The following CREB3L3 variants were observed in gnomAD, a reference collection of about 807,000 sequenced individuals.
CREB3L3 encodes cyclic AMP-responsive element-binding protein 3-like protein 3.
In CREB3L3, 40 loss-of-function variants were observed where a neutral mutation model predicts 44.6. The ratio of observed to expected loss-of-function variants is 0.90; its 90% CI spans 0.70 to 1.17. The LOEUF (loss-of-function observed/expected upper bound fraction) is 1.17, where lower values mean the gene tolerates loss of function less well. CREB3L3 is among the 50% of genes most tolerant of loss of function. The pLI, the probability that CREB3L3 is intolerant of heterozygous loss-of-function variation, is 0.00. For synonymous variants in CREB3L3, 273 were observed against 256.3 expected, an observed-to-expected ratio of 1.06 and a Z score of -0.62; for missense variants, 578 against 595.8, an observed-to-expected ratio of 0.97 and a Z score of 0.31.
chr19:4,162,475 T>G (rs1003175421), intron 4 of CREB3L3, among the ~76,000 whole-genome samples: 14 of 140,544 alleles, frequency 1.0e-4, no homozygotes, highest in Non-Finnish European at 1.9e-4. Context: ...TTATCAGCAG[T>G]TGAAGACCAG....
In CREB3L3 at chr19:4,168,399, C is replaced by G; in HGVS notation, c.763C>G (p.Gln255Glu). ...AATCCGCCGGAAAATCCGGAACAAG[C>G]AGTCGGCGCAAGAAAGCAGGAAGAA... ...KKIRRKIRNK[Q>E]SAQESRKKKK... The change falls in exon 6 of 10, where the codon CAG becomes GAG. Residue 255 changes from glutamine to glutamate, a missense_variant. Transcript: ENST00000078445. The G allele has an allele frequency of 6.2e-7, 1 of 1,611,334 alleles. No individual in the cohort carries two copies. Among genetic ancestry groups the G allele is most frequent in the South Asian group, 1.1e-5 (1 of 91,046 alleles).
intron 4 of CREB3L3, among the ~76,000 whole-genome samples, chr19:4,160,674 G>C (rs376171692): frequency 1.3e-5 from 2 of 151,946 alleles, no homozygotes; most frequent in East Asian, 3.9e-4. Flanking sequence ...TCCTGCCTCA[G>C]CCTCCCAAGT....
chr19:4,166,950 T>C (rs1490207215), intron 5 of CREB3L3, among the ~76,000 whole-genome samples: 1 of 152,094 alleles, frequency 6.6e-6, no homozygotes, highest in Non-Finnish European at 1.5e-5. Context: ...CAGTCTAGTC[T>C]TGAACTCCTG....
chr19:4,169,779 A>C (rs1967002764), intron 6 of CREB3L3, among the ~76,000 whole-genome samples: 1 of 151,758 alleles, frequency 6.6e-6, no homozygotes, highest in African/African-American at 2.4e-5. Context: ...TTGCATTTTT[A>C]GTACAGGCAG....
rs756720396 is a variant in CREB3L3, at chr19:4,171,997, C to T, written c.*28C>T. On this transcript the variant is annotated 3_prime_UTR_variant, in exon 10 of 10. Coordinates refer to ENST00000078445, the MANE Select transcript of CREB3L3 (RefSeq NM_032607.3). The surrounding 1 kb of genome is among the most constrained non-coding windows in gnomAD (Gnocchi z 4.9). ...CCCGCCAGGACTATGCTCCCAGGCC[C>T]CTCTGCCCAGGGGTGCCTTGGGGAT... 17 of 1,551,774 alleles carry T rather than the reference C, an allele frequency of 1.1e-5. No homozygotes were observed. In the South Asian group the frequency reaches 1.9e-4, roughly 17 times the overall value.
chr19:4,166,855 A>T (rs1966916907), intron 5 of CREB3L3, among the ~76,000 whole-genome samples: 1 of 152,008 alleles, frequency 6.6e-6, no homozygotes. Flanking sequence ...AGTAGCTGGG[A>T]CTATAGGCAT....
chr19:4,155,626 G>A (rs2041561706), intron 2 of CREB3L3, among the ~76,000 whole-genome samples: 1 of 151,922 alleles, frequency 6.6e-6, no homozygotes, highest in Admixed American at 6.6e-5. Context: ...AAAGTGCTGA[G>A]ATTACAGGCG....
Position 4,157,129 on chromosome 19 carries a change from C to G in CREB3L3, c.291C>G (p.Pro97=), listed in dbSNP as rs750489862. 2.5e-6 allele frequency: 4 copies of G among 1,614,054 alleles called. No individual in the cohort carries two copies. The Admixed American group carries it at 6.7e-5, about 27-fold the overall frequency. The change falls in exon 3 of 10, where the codon CCC becomes CCG. Residue 97 remains proline (P), a synonymous_variant. Coordinates refer to ENST00000078445, the MANE Select transcript of CREB3L3 (RefSeq NM_032607.3). ...TCTCCGAAGACCTCCCCTCCGACCC[C>G]CAGGACACCCCTCCACGCAGCGGAC... ...SGISEDLPSD[P]QDTPPRSGPA...
chr19:4,169,213 C>A (rs900071458), intron 6 of CREB3L3, among the ~76,000 whole-genome samples: 2 of 151,456 alleles, frequency 1.3e-5, no homozygotes, highest in Non-Finnish European at 2.9e-5. Context: ...GAATCTCGGC[C>A]GGGCGCCGTG....
At chr19:4,157,839 C>G (rs1367857946) in intron 3 of CREB3L3, among the ~76,000 whole-genome samples, 2 of 152,030 alleles carry the variant, frequency 1.3e-5, no homozygotes, top group Non-Finnish European at 2.9e-5. Flanking sequence ...GCATATGCCA[C>G]CATGCCCAGC....
rs769704602 is a variant in CREB3L3, at chr19:4,168,460, G to C, written c.821+3G>C. On this transcript the variant is annotated splice_donor_region_variant and intron_variant, in intron 6 of 9. Coordinates refer to ENST00000078445, the MANE Select transcript of CREB3L3 (RefSeq NM_032607.3). ...TATATCGATGGCCTGGAGACTCGGT[G>C]GGTAGTGCTGGACCCAGACTCTACA... The C allele has an allele frequency of 5.0e-6, 8 of 1,597,856 alleles. No homozygotes were observed. The Admixed American group carries it at 1.4e-4, about 27-fold the overall frequency.
rs1022870143 is a variant in CREB3L3, at chr19:4,172,129, A to C, written c.*160A>C. Reference sequence around the variant, plus strand: ...CTCATAGCCACACACCCAGGGCCTGACTGAGGCCCACGCAGGAACCGACAC... The same window carrying C: ...CTCATAGCCACACACCCAGGGCCTGCCTGAGGCCCACGCAGGAACCGACAC... On this transcript the variant is annotated 3_prime_UTR_variant, in exon 10 of 10. Transcript: ENST00000078445. 1.3e-6 allele frequency: 1 copy of C among 767,394 alleles called. No homozygotes were observed. Among genetic ancestry groups the C allele is most frequent in the Non-Finnish European group, 2.0e-6 (1 of 490,538 alleles). 47.5% of individuals were successfully genotyped at this position (767,394 alleles called of 1,614,324 possible).
At chr19:4,157,876 G>A (rs968689039) in intron 3 of CREB3L3, among the ~76,000 whole-genome samples, 1 of 151,792 alleles carries the variant, frequency 6.6e-6, no homozygotes, top group African/African-American at 2.4e-5. Flanking sequence ...GTAGAGACGA[G>A]GTTTCACCAT....
In CREB3L3 at chr19:4,157,156, A is replaced by G; in HGVS notation, c.318A>G (p.Pro106=). Reference sequence around the variant, plus strand: ...AGGACACCCCTCCACGCAGCGGACCAGCCACCTCCCCCGCCGGCTGCCATC... The same window carrying G: ...AGGACACCCCTCCACGCAGCGGACCGGCCACCTCCCCCGCCGGCTGCCATC... ...DPQDTPPRSG[P]ATSPAGCHPA... Residue 106 remains proline (P), a synonymous_variant, in exon 3 of 10, where the codon CCA becomes CCG. Coordinates refer to ENST00000078445, the MANE Select transcript of CREB3L3 (RefSeq NM_032607.3). 6.2e-7 allele frequency: 1 copy of G among 1,613,772 alleles called. No homozygotes were observed. Among genetic ancestry groups the G allele is most frequent in the Non-Finnish European group, 8.5e-7 (1 of 1,179,932 alleles).
chr19:4,167,896 A>C (rs1389289611), intron 5 of CREB3L3, among the ~76,000 whole-genome samples: 3 of 152,140 alleles, frequency 2.0e-5, no homozygotes, highest in Admixed American at 6.5e-5. Flanking sequence ...GGTCGAGGTT[A>C]GGTGAAGTGG....
intron 5 of CREB3L3, among the ~76,000 whole-genome samples, chr19:4,166,927 A>G (rs1331518517): frequency 6.6e-6 from 1 of 151,528 alleles, no homozygotes; most frequent in Non-Finnish European, 1.5e-5. Flanking sequence ...CAGGGTCTTT[A>G]CTAAATGTTG....
chr19:4,161,253 T>C (rs924349957), intron 4 of CREB3L3, among the ~76,000 whole-genome samples: 10 of 150,702 alleles, frequency 6.6e-5, no homozygotes, highest in African/African-American at 2.2e-4. Context: ...TGAGCCACCG[T>C]GCCCCGTTTA....
At chr19:4,162,892 G>A (rs1453857982) in intron 4 of CREB3L3, among the ~76,000 whole-genome samples, 3 of 152,130 alleles carry the variant, frequency 2.0e-5, no homozygotes, top group East Asian at 1.9e-4. Context: ...CTGGAGAATC[G>A]CTTGAGCCCG....
intron 6 of CREB3L3, among the ~76,000 whole-genome samples, chr19:4,169,184 A>C (rs1374858124): frequency 6.6e-6 from 1 of 151,646 alleles, no homozygotes; most frequent in African/African-American, 2.4e-5. Flanking sequence ...GGTCATGGGG[A>C]GAGGGAGAGA....
Sources: gnomAD v4.1 joint callset for allele counts (sites outside exome capture counted in the v4.1 genomes callset) on GRCh38, gnomAD v4.1.1 for gene constraint, Gnocchi (gnomAD v3.1) non-coding constraint, MANE v1.5 for transcripts, NCBI Gene and HGNC (gene_info 2026-07-23, HGNC 2026-07-21) for gene names.